The following GUCY2D variants were observed in gnomAD, a reference collection of about 807,000 sequenced individuals.
GUCY2D encodes the protein guanylate cyclase 2D, retinal, also known as retinal guanylyl cyclase 1.
GUCY2D carries 70 observed loss-of-function variants against 101.3 expected under a neutral mutation model. That is an observed-to-expected ratio of 0.69 (90% CI 0.57 to 0.84). GUCY2D has a LOEUF of 0.84. Among genes scored for constraint, GUCY2D ranks in the 40% least tolerant of loss-of-function variants. The pLI, the probability that GUCY2D is intolerant of heterozygous loss-of-function variation, is 0.00. For synonymous variants in GUCY2D, 688 were observed against 670.7 expected (o/e 1.03, Z -0.40); for missense variants, 1,460 against 1,542.5 (o/e 0.95, Z 0.90).
rs1244108144 is a variant in GUCY2D, at chr17:8,014,417, TC to T, written c.2413-182del. ...TGGGAACCCTCATTTCCCACGTGCC[TC>T]CTAATCGTGTCTGAAAACACAGTGC... On this transcript the variant is annotated intron_variant, in intron 12 of 19. Transcript: ENST00000254854. The surrounding 1 kb of genome is among the most constrained non-coding windows in gnomAD (Gnocchi z 4.0). 1.5e-6 allele frequency: 1 copy of T among 678,056 alleles called. No homozygotes were observed. Among genetic ancestry groups the T allele is most frequent in the Non-Finnish European group, 2.7e-6 (1 of 374,390 alleles). The allele number at this position is 678,056 out of a possible 1,614,324, so 42.0% of individuals were successfully genotyped here.
chr17:8,014,276 A>C lies in GUCY2D; in HGVS notation c.2412+248A>C. On this transcript the variant is annotated intron_variant, in intron 12 of 19. Coordinates refer to ENST00000254854, the MANE Select transcript of GUCY2D (RefSeq NM_000180.4). This position sits in a 1 kb window ranked among gnomAD's most constrained non-coding sequence, Gnocchi z 4.0. ...ATTCAATTCAATTCAAATAACACTGATTGAGAACCAAGTATGTGCTTGGCC... is the reference window on the plus strand; with the variant it reads ...ATTCAATTCAATTCAAATAACACTGCTTGAGAACCAAGTATGTGCTTGGCC... The C allele has an allele frequency of 1.7e-6, 1 of 605,950 alleles. No homozygotes were observed. Among genetic ancestry groups the C allele is most frequent in the Non-Finnish European group, 2.9e-6 (1 of 340,526 alleles). The allele number at this position is 605,950 out of a possible 1,614,324, so 37.5% of individuals were successfully genotyped here.
At chr17:8,015,111 C>T (rs1975939031) in intron 14 of GUCY2D, 60 bp downstream of exon 14, 6 of 1,441,382 alleles carry the variant, frequency 4.2e-6, no homozygotes, top group South Asian at 2.3e-5. Flanking sequence ...AGCCTCCAGC[C>T]CAGCCCTTCC....
Position 8,007,473 on chromosome 17 carries a change from T to C in GUCY2D, c.1511T>C (p.Ile504Thr), listed in dbSNP as rs1287511242. 1 of 1,613,826 alleles carries C rather than the reference T, an allele frequency of 6.2e-7. No homozygotes were observed. The highest frequency in any genetic ancestry group is 8.5e-7 in the Non-Finnish European group (1 of 1,179,746). The change falls in exon 6 of 20, where the codon ATC becomes ACC. Residue 504 changes from isoleucine to threonine, a missense_variant. Ile to Thr is a moderately conservative substitution (Grantham distance 89). Around this residue, in one of 3 missense-constraint regions of GUCY2D, gnomAD observed 1,196 missense variants for 1,229.6 expected, o/e 0.97. Transcript: ENST00000254854. ...MQMVSGPNKIILTVDDITFLH... is the reference protein window; with the variant it reads ...MQMVSGPNKITLTVDDITFLH... ...ATGGTCTCCGGCCCCAACAAGATCA[T>C]CCTGACCGTGGACGACATCACCTTT...
intron 14 of GUCY2D, 116 bp from the exon 15 acceptor site, chr17:8,015,212 C>T (rs1598150948): frequency 9.0e-7 from 1 of 1,114,258 alleles, no homozygotes; most frequent in Non-Finnish European, 1.3e-6. Context: ...TCAGTCCTTC[C>T]ACTAGCAACC....
Position 8,003,147 on chromosome 17 carries a change from C to T in GUCY2D, c.100C>T (p.Pro34Ser). 2 of 1,508,198 alleles carry T rather than the reference C, an allele frequency of 1.3e-6. No individual in the cohort carries two copies. The highest frequency in any genetic ancestry group is 2.6e-5 in the East Asian group (1 of 38,304). The allele number at this position is 1,508,198 out of a possible 1,614,324, so 93.4% of individuals were successfully genotyped here. A position where few individuals can be genotyped will look rare whatever the true frequency, so the allele number is the denominator to read the frequency against. ...PSLPRLPRAL[P>S]RLPLLLLLLL... The stretch of plus-strand genomic sequence containing the variant: ...CCTGCCCCGCCTCCCCCGGGCCCTG[C>T]CCCGGCTCCCGCTCCTGCTGCTCCT... Residue 34 changes from proline (P) to serine (S), a missense_variant, in exon 2 of 20, where the codon CCC (proline) becomes TCC (serine). Pro to Ser is a moderately conservative substitution (Grantham distance 74). Around this residue, in one of 3 missense-constraint regions of GUCY2D, gnomAD observed 1,196 missense variants for 1,229.6 expected, o/e 0.97. Transcript: ENST00000254854.
At position 8,014,293 on chromosome 17, in the gene GUCY2D, T is replaced by G; in HGVS notation, c.2412+265T>G. ...TAACACTGATTGAGAACCAAGTATG[T>G]GCTTGGCCTGCTGTGACAGAAAGAC... On this transcript the variant is annotated intron_variant, in intron 12 of 19. Coordinates refer to ENST00000254854, the MANE Select transcript of GUCY2D (RefSeq NM_000180.4). The surrounding 1 kb of genome is among the most constrained non-coding windows in gnomAD (Gnocchi z 4.0). 3.3e-6 allele frequency: 2 copies of G among 603,154 alleles called. No individual in the cohort carries two copies. Among genetic ancestry groups the G allele is most frequent in the Non-Finnish European group, 5.9e-6 (2 of 338,714 alleles). The allele number at this position is 603,154 out of a possible 1,614,324, so 37.4% of individuals were successfully genotyped here. A position where few individuals can be genotyped will look rare whatever the true frequency, so the allele number is the denominator to read the frequency against.
At position 8,013,196 on chromosome 17, in the gene GUCY2D, T is replaced by C. The variant is rs756693094; in HGVS notation, c.2207T>C (p.Met736Thr). Residue 736 changes from methionine (M) to threonine (T), a missense_variant, in exon 11 of 20, where the codon ATG becomes ACG. Physicochemically the swap from Met to Thr is moderately conservative, Grantham distance 81. This residue lies in a region of GUCY2D where 1,196 missense variants were observed against 1,229.6 expected (regional missense o/e 0.97). Transcript: ENST00000254854. The surrounding 1 kb of genome is among the most constrained non-coding windows in gnomAD (Gnocchi z 5.0). ...GACGTCTTTAGCTTGGCCATCATCA[T>C]GCAAGAAGTAGTGTGCCGCAGTGCC... ...AGDVFSLAII[M>T]QEVVCRSAPY... 16 of 1,614,062 alleles carry C rather than the reference T, an allele frequency of 9.9e-6. No homozygotes were observed. The Admixed American group carries it at 2.5e-4, about 25-fold the overall frequency.
intron 3 of GUCY2D, among the ~76,000 whole-genome samples, chr17:8,004,757 C>T (rs1975707795): frequency 2.0e-5 from 3 of 152,256 alleles, no homozygotes; most frequent in Admixed American, 6.5e-5. Flanking sequence ...GACTAGAAAC[C>T]ACTATGAGAA....
At chr17:8,005,889 G>GT (rs1003249705) in intron 3 of GUCY2D, among the ~76,000 whole-genome samples, 26 of 152,056 alleles carry the variant, frequency 1.7e-4, no homozygotes, top group African/African-American at 6.0e-4. Flanking sequence ...TTTTTGTTTA[G>GT]TTTTTTTGTT....
chr17:8,004,214 C>G, intron 3 of GUCY2D, 58 bp downstream of exon 3: 2 of 1,448,050 alleles, frequency 1.4e-6, no homozygotes, highest in Non-Finnish European at 1.9e-6. Flanking sequence ...ACAGCCAAAG[C>G]AGGGAGAGGA....
Position 8,007,443 on chromosome 17 carries a change from T to C in GUCY2D, c.1481T>C (p.Met494Thr), listed in dbSNP as rs1290788423. Residue 494 changes from methionine (M) to threonine (T), a missense_variant, in exon 6 of 20, where the codon ATG (methionine) becomes ACG (threonine). Around this residue, in one of 3 missense-constraint regions of GUCY2D, gnomAD observed 1,196 missense variants for 1,229.6 expected, o/e 0.97. Transcript: ENST00000254854. ...AHYVRHRLLH[M>T]QMVSGPNKII... ...TCCACCAGGCACCGGCTACTTCACA[T>C]GCAAATGGTCTCCGGCCCCAACAAG... 1.2e-6 allele frequency: 2 copies of C among 1,612,956 alleles called. No individual in the cohort carries two copies. The highest frequency in any genetic ancestry group is 2.2e-5 in the East Asian group (1 of 44,854).
At chr17:8,016,070 C>A in intron 17 of GUCY2D, 49 bp downstream of exon 17, 1 of 1,495,824 alleles carries the variant, frequency 6.7e-7, no homozygotes, top group Non-Finnish European at 9.2e-7. Context: ...TGTCCTGAGG[C>A]ACCGCCCATC....
chr17:8,012,408 A>G, intron 9 of GUCY2D, 42 bp from the exon 10 acceptor site: 2 of 1,612,930 alleles, frequency 1.2e-6, no homozygotes, highest in Non-Finnish European at 1.7e-6. Flanking sequence ...GAGCAAGGGA[A>G]CCAAGCAGGC....
rs145420245 is a variant in GUCY2D at position 8,014,694 on chromosome 17, C to T, written c.2506C>T (p.Arg836Trp). The change falls in exon 13 of 20, where the codon CGG becomes TGG. Residue 836 changes from arginine to tryptophan, a missense_variant. Physicochemically the swap from Arg to Trp is moderately radical, Grantham distance 101. Coordinates refer to ENST00000254854, the MANE Select transcript of GUCY2D (RefSeq NM_000180.4). This position sits in a 1 kb window ranked among gnomAD's most constrained non-coding sequence, Gnocchi z 4.0. ...QYSSNLEDLI[R>W]ERTEELELEK... ...CTCTAGTAACCTGGAGGATCTGATCCGGGAGCGCACGGAGGAGCTGGAGCT... is the reference window on the plus strand; with the variant it reads ...CTCTAGTAACCTGGAGGATCTGATCTGGGAGCGCACGGAGGAGCTGGAGCT... 14 of 1,556,616 alleles carry T rather than the reference C, an allele frequency of 9.0e-6. No individual in the cohort carries two copies. The highest frequency in any genetic ancestry group is 1.7e-4 in the Middle Eastern group (1 of 5,756).
At position 8,003,577 on chromosome 17, in the gene GUCY2D, G is replaced by A; in HGVS notation, c.530G>A (p.Arg177His). Reference sequence around the variant, plus strand: ...GCGGATGCCCTCTACGCCCTGCTTCGCGCATTCGGCTGGGCGCGCGTGGCC... The same window carrying A: ...GCGGATGCCCTCTACGCCCTGCTTCACGCATTCGGCTGGGCGCGCGTGGCC... ...PAADALYALL[R>H]AFGWARVALV... The change falls in exon 2 of 20, where the codon CGC becomes CAC. Residue 177 changes from arginine (R) to histidine (H), a missense_variant. By Grantham distance (29) the Arg-to-His change is conservative. Transcript: ENST00000254854. 6.3e-7 allele frequency: 1 copy of A among 1,582,858 alleles called. No homozygotes were observed. The highest frequency in any genetic ancestry group is 1.1e-5 in the South Asian group (1 of 88,858).
chr17:8,003,464 C>A lies in GUCY2D; in HGVS notation c.417C>A (p.Leu139=). The change falls in exon 2 of 20, where the codon CTC becomes CTA. Residue 139 remains leucine, a synonymous_variant. Transcript: ENST00000254854. ...NPAACRPAEL[L]AEEAGIALVP... ...CGGCCTGCCGGCCAGCCGAGCTGCT[C>A]GCCGAAGAAGCCGGGATCGCGCTGG... 1 of 1,522,294 alleles carries A rather than the reference C, an allele frequency of 6.6e-7. No homozygotes were observed. The highest frequency in any genetic ancestry group is 8.8e-7 in the Non-Finnish European group (1 of 1,141,550). 94.3% of individuals were successfully genotyped at this position (1,522,294 alleles called of 1,614,324 possible).
At position 8,014,236 on chromosome 17, in the gene GUCY2D, CT is replaced by C; in HGVS notation, c.2412+209del. On this transcript the variant is annotated intron_variant, in intron 12 of 19. Transcript: ENST00000254854. This position sits in a 1 kb window ranked among gnomAD's most constrained non-coding sequence, Gnocchi z 4.0. ...TTTGGAGTGGGAGATAGAGTTCTGT[CT>C]GGGTGGGAGGAATATTCAATTCAAT... 1 of 629,974 alleles carries C rather than the reference CT, an allele frequency of 1.6e-6. No homozygotes were observed. The highest frequency in any genetic ancestry group is 2.7e-5 in the East Asian group (1 of 36,594). 39.0% of individuals were successfully genotyped at this position (629,974 alleles called of 1,614,324 possible).
intron 7 of GUCY2D, 98 bp downstream of exon 7, chr17:8,008,130 T>C (rs1975781544): frequency 1.3e-6 from 1 of 775,426 alleles, no homozygotes; most frequent in Non-Finnish European, 2.3e-6. Flanking sequence ...TGTAGTCATG[T>C]CAAATCCTGC....
chr17:8,019,929 C>T (rs1976041208), intron 19 of GUCY2D, among the ~76,000 whole-genome samples, 199 bp from the exon 20 acceptor site: 1 of 152,102 alleles, frequency 6.6e-6, no homozygotes, highest in Non-Finnish European at 1.5e-5. Flanking sequence ...CTACCTCTGC[C>T]AGCTGGCCTG....
Sources: gnomAD v4.1 joint callset for allele counts (sites outside exome capture counted in the v4.1 genomes callset) on GRCh38, gnomAD v4.1.1 for gene constraint, gnomAD v4.1.1 regional missense constraint, Gnocchi (gnomAD v3.1) non-coding constraint, MANE v1.5 for transcripts, NCBI Gene and HGNC (gene_info 2026-07-23, HGNC 2026-07-21) for gene names.